The following JAKMIP1 variants were observed in gnomAD, a reference collection of about 807,000 sequenced individuals.
JAKMIP1 encodes janus kinase and microtubule interacting protein 1, also known as janus kinase and microtubule-interacting protein 1.
In JAKMIP1, 33 loss-of-function variants were observed where a neutral mutation model predicts 113.0. The ratio of observed to expected loss-of-function variants is 0.29; its 90% CI spans 0.22 to 0.39. The LOEUF (loss-of-function observed/expected upper bound fraction) is 0.39. Ranked by LOEUF, JAKMIP1 falls within the 10% of genes least tolerant of loss-of-function variation. The pLI is 1.00. For missense variants in JAKMIP1, 813 were observed against 1,080.5 expected (o/e 0.75, Z 3.47); for synonymous variants, 480 against 459.9 (o/e 1.04, Z -0.56).
At chr4:6,160,709 T>A (rs1158820665) in intron 1 of JAKMIP1, among the ~76,000 whole-genome samples, 6 of 152,122 alleles carry the variant, frequency 3.9e-5, no homozygotes, top group Non-Finnish European at 4.4e-5. Context: ...CACGCCTCCC[T>A]GCCCCTCTAC....
At position 6,088,089 on chromosome 4, in the gene JAKMIP1, G is replaced by A. The variant is rs750866327; in HGVS notation, c.625-2460C>T. 3.3e-5 allele frequency among the ~76,000 whole-genome samples: 5 copies of A among 152,194 alleles called. No individual in the cohort carries two copies. Among genetic ancestry groups the A allele is most frequent in the African/African-American group, 4.8e-5 (2 of 41,444 alleles). ...TTATTCATTTAATTCACTCAAGCAC[G>A]CTTTCATTAACTCAACACATGCTGA... On this transcript the variant is annotated intron_variant, in intron 3 of 20. Coordinates refer to ENST00000409021, the MANE Select transcript of JAKMIP1 (RefSeq NM_001099433.2). The surrounding 1 kb of genome is among the most constrained non-coding windows in gnomAD (Gnocchi z 5.5).
intron 1 of JAKMIP1, among the ~76,000 whole-genome samples, chr4:6,124,931 G>A (rs1328093421): frequency 6.6e-6 from 1 of 152,214 alleles, no homozygotes; most frequent in African/African-American, 2.4e-5. Flanking sequence ...GAGGCCAGCT[G>A]GGTTGAGATT....
chr4:6,099,145 G>A (rs1712581691), intron 3 of JAKMIP1, among the ~76,000 whole-genome samples: 2 of 152,146 alleles, frequency 1.3e-5, no homozygotes, highest in South Asian at 4.1e-4. Context: ...TATATTTAAA[G>A]TGTGACTTTT....
At position 6,187,773 on chromosome 4, in the gene JAKMIP1, T is replaced by C. The variant is rs1347684636; in HGVS notation, c.-148+12480A>G. 2.0e-5 allele frequency among the ~76,000 whole-genome samples: 3 copies of C among 152,274 alleles called. No individual in the cohort carries two copies. Among genetic ancestry groups the C allele is most frequent in the African/African-American group, 7.2e-5 (3 of 41,482 alleles). On this transcript the variant is annotated intron_variant, in intron 1 of 20. Coordinates refer to ENST00000409021, the MANE Select transcript of JAKMIP1 (RefSeq NM_001099433.2). The surrounding 1 kb of genome is among the most constrained non-coding windows in gnomAD (Gnocchi z 4.2). ...CTGAAAGGACCAAGATAGCATATAC[T>C]TGGATCATATATTTTATCCCTGACA... is the stretch of plus-strand genomic sequence containing the variant.
rs753717985 is a variant in JAKMIP1 at position 6,079,011 on chromosome 4, A to G, written c.1243-13T>C. 2.5e-6 allele frequency: 4 copies of G among 1,614,044 alleles called. No individual in the cohort carries two copies. The highest frequency in any genetic ancestry group is 3.4e-6 in the Non-Finnish European group (4 of 1,180,026). On this transcript the variant is annotated splice_polypyrimidine_tract_variant and intron_variant, in intron 7 of 20. Transcript: ENST00000409021. ...GCCGTTCTCTCTCCTAGAAGGAAAC[A>G]CAACGGTTGGCATTTCCAGCCAGCC...
chr4:6,105,970 G>A lies in JAKMIP1; in HGVS notation c.130-3C>T. On this transcript the variant is annotated splice_region_variant and splice_polypyrimidine_tract_variant and intron_variant, in intron 2 of 20. Transcript: ENST00000409021. The stretch of plus-strand genomic sequence containing the variant: ...AGCCGCTCGCGCAGTTTGCCCACCT[G>A]CAGCCAGAGCGGCGAGAGAGCCGGT... 1 of 1,570,884 alleles carries A rather than the reference G, an allele frequency of 6.4e-7. No homozygotes were observed. The highest frequency in any genetic ancestry group is 8.7e-7 in the Non-Finnish European group (1 of 1,155,164).
In JAKMIP1 at chr4:6,200,096, AG is replaced by A. The variant is rs1262219622; in HGVS notation, c.-148+156del. On this transcript the variant is annotated intron_variant, in intron 1 of 20. Transcript: ENST00000409021. The surrounding 1 kb of genome is among the most constrained non-coding windows in gnomAD (Gnocchi z 7.0). ...ATGCGAGAGTGGAAGGGGGACCCAGAGGGGGCGCGATGGCCGGAGGAGGGGG... is the reference window on the plus strand; with the variant it reads ...ATGCGAGAGTGGAAGGGGGACCCAGAGGGGCGCGATGGCCGGAGGAGGGGG... Among the ~76,000 whole-genome samples, 2 of 102,186 alleles carry A rather than the reference AG, an allele frequency of 2.0e-5. No individual in the cohort carries two copies. Among genetic ancestry groups the A allele is most frequent in the African/African-American group, 7.7e-5 (2 of 25,876 alleles). The allele number at this position is 102,186 out of a possible 152,430, so 67.0% of individuals were successfully genotyped here.
At position 6,097,819 on chromosome 4, in the gene JAKMIP1, G is replaced by A. The variant is rs1877765; in HGVS notation, c.624+7654C>T. On this transcript the variant is annotated intron_variant, in intron 3 of 20. Coordinates refer to ENST00000409021, the MANE Select transcript of JAKMIP1 (RefSeq NM_001099433.2). This position sits in a 1 kb window ranked among gnomAD's most constrained non-coding sequence, Gnocchi z 4.3. ...GCTTCCTTAGGCAGCTTGGAGAAAC[G>A]CAATCTGGTTCCCTTGATCAAAAGC... 7.1e-3 allele frequency among the ~76,000 whole-genome samples: 1,075 copies of A among 152,274 alleles called. 13 individuals are homozygous for A. The highest frequency in any genetic ancestry group is 0.024 in the African/African-American group (1,014 of 41,548).
chr4:6,056,866 GT>G (rs1716545325), intron 11 of JAKMIP1, 107 bp from the exon 12 acceptor site: 2 of 785,354 alleles, frequency 2.5e-6, no homozygotes, highest in Non-Finnish European at 4.4e-6. Flanking sequence ...CCATGGAAAG[GT>G]CATAAAAAAT....
chr4:6,124,401 T>C (rs982384179), intron 1 of JAKMIP1, among the ~76,000 whole-genome samples: 2 of 152,156 alleles, frequency 1.3e-5, no homozygotes, highest in Non-Finnish European at 2.9e-5. Context: ...GTGTGGCGGC[T>C]TAATCCACAA....
rs1194702470 is a variant in JAKMIP1 at position 6,179,383 on chromosome 4, C to A, written c.-148+20870G>T. ...GGTGAGTACTCAGTAAATGCAACAGCCAAGAGGCAGACTGGATGGAACAGG... is the reference window on the plus strand; with the variant it reads ...GGTGAGTACTCAGTAAATGCAACAGACAAGAGGCAGACTGGATGGAACAGG... On this transcript the variant is annotated intron_variant, in intron 1 of 20. Coordinates refer to ENST00000409021, the MANE Select transcript of JAKMIP1 (RefSeq NM_001099433.2). The surrounding 1 kb of genome is among the most constrained non-coding windows in gnomAD (Gnocchi z 4.5). Among the ~76,000 whole-genome samples, 2 of 152,178 alleles carry A rather than the reference C, an allele frequency of 1.3e-5. No individual in the cohort carries two copies. Among genetic ancestry groups the A allele is most frequent in the African/African-American group, 4.8e-5 (2 of 41,438 alleles).
chr4:6,133,342 A>G (rs905315067), intron 1 of JAKMIP1, among the ~76,000 whole-genome samples: 1 of 152,194 alleles, frequency 6.6e-6, no homozygotes, highest in Non-Finnish European at 1.5e-5. Context: ...AACCATAAAC[A>G]TTTTGTTTCC....
chr4:6,083,384 C>A (rs909197954), intron 5 of JAKMIP1, among the ~76,000 whole-genome samples: 10 of 137,772 alleles, frequency 7.3e-5, no homozygotes, highest in Non-Finnish European at 1.2e-4. Flanking sequence ...ACCTGGGCGA[C>A]AGAGCAAGAC....
rs111859543 is a variant in JAKMIP1 at position 6,106,539 on chromosome 4, CCTCT to C, written c.130-576_130-573del. 6.0e-5 allele frequency among the ~76,000 whole-genome samples: 9 copies of C among 149,816 alleles called. No homozygotes were observed. In the South Asian group the frequency reaches 8.5e-4, roughly 14 times the overall value. ...GTGCTCCCTCTCTTTCTCCCTCTCT[CCTCT>C]CTCTCTCTCTCTCTTCCTCTCTCTC... On this transcript the variant is annotated intron_variant, in intron 2 of 20. Transcript: ENST00000409021. The surrounding 1 kb of genome is among the most constrained non-coding windows in gnomAD (Gnocchi z 5.9).
Position 6,199,880 on chromosome 4 carries a change from C to A in JAKMIP1, c.-148+373G>T, listed in dbSNP as rs1303493451. 6.6e-6 allele frequency among the ~76,000 whole-genome samples: 1 copy of A among 151,510 alleles called. No homozygotes were observed. The highest frequency in any genetic ancestry group is 1.5e-5 in the Non-Finnish European group (1 of 67,730). ...CGGCAGGCACCGGGTGGGTCCCCCT[C>A]CCGCTCCTTGGCTTGAGGGCGGAAT... On this transcript the variant is annotated intron_variant, in intron 1 of 20. Transcript: ENST00000409021. This position sits in a 1 kb window ranked among gnomAD's most constrained non-coding sequence, Gnocchi z 5.6.
chr4:6,182,721 CAT>C (rs374030581), intron 1 of JAKMIP1, among the ~76,000 whole-genome samples: 244 of 152,352 alleles, frequency 1.6e-3, no homozygotes, highest in African/African-American at 5.4e-3. Flanking sequence ...GATAAGGCCA[CAT>C]GTGTGATGAC....
In JAKMIP1 at chr4:6,065,633, A is replaced by G. The variant is rs556398142; in HGVS notation, c.1303-625T>C. 8.5e-5 allele frequency among the ~76,000 whole-genome samples: 13 copies of G among 152,294 alleles called. No individual in the cohort carries two copies. Among genetic ancestry groups the G allele is most frequent in the African/African-American group, 2.4e-4 (10 of 41,570 alleles). On this transcript the variant is annotated intron_variant, in intron 8 of 20. Transcript: ENST00000409021. The surrounding 1 kb of genome is among the most constrained non-coding windows in gnomAD (Gnocchi z 5.1). ...CTCTGCTTAACTTTTTATTATAGAA[A>G]ACTGGGAAGATTCACAGAATGAGAA... is the stretch of plus-strand genomic sequence containing the variant.
chr4:6,143,024 G>A lies in JAKMIP1; in HGVS notation c.-147-30027C>T, dbSNP rs1720379593. ...CCTCGATGCCTTCTGGGGGCAGCCT[G>A]GTGGACTCTGGAAGGCTGAAGTTCA... On this transcript the variant is annotated intron_variant, in intron 1 of 20. Transcript: ENST00000409021. This position sits in a 1 kb window ranked among gnomAD's most constrained non-coding sequence, Gnocchi z 4.9. Among the ~76,000 whole-genome samples, 1 of 152,074 alleles carries A rather than the reference G, an allele frequency of 6.6e-6. No homozygotes were observed. Among genetic ancestry groups the A allele is most frequent in the Non-Finnish European group, 1.5e-5 (1 of 68,006 alleles).
In JAKMIP1 at chr4:6,050,924, G is replaced by A. The variant is rs751879874; in HGVS notation, c.1807-245C>T. Among the ~76,000 whole-genome samples, 1 of 152,172 alleles carries A rather than the reference G, an allele frequency of 6.6e-6. No homozygotes were observed. The highest frequency in any genetic ancestry group is 1.5e-5 in the Non-Finnish European group (1 of 68,048). ...CATCTAGGGAGAAATGGTTAACAGG[G>A]TACCGTGGCTTTATCCATTGTGAGA... On this transcript the variant is annotated intron_variant, in intron 13 of 20. Coordinates refer to ENST00000409021, the MANE Select transcript of JAKMIP1 (RefSeq NM_001099433.2). This position sits in a 1 kb window ranked among gnomAD's most constrained non-coding sequence, Gnocchi z 7.4.
Sources: gnomAD v4.1 joint callset for allele counts (sites outside exome capture counted in the v4.1 genomes callset) on GRCh38, gnomAD v4.1.1 for gene constraint, Gnocchi (gnomAD v3.1) non-coding constraint, MANE v1.5 for transcripts, NCBI Gene and HGNC (gene_info 2026-07-23, HGNC 2026-07-21) for gene names.